The following LAYN variants were observed in gnomAD, a reference collection of about 807,000 sequenced individuals.
LAYN encodes the protein layilin.
LAYN carries 38 observed loss-of-function variants against 43.6 expected under a neutral mutation model. That is an observed-to-expected ratio of 0.87 (90% confidence interval 0.67 to 1.14). The LOEUF (loss-of-function observed/expected upper bound fraction) is 1.14, where lower values mean the gene tolerates loss of function less well. Ranked by LOEUF, LAYN falls within the 50% of genes most tolerant of loss-of-function variation. The pLI is 0.00. For missense variants in LAYN, 479 were observed against 463.8 expected (o/e 1.03, Z -0.30); for synonymous variants, 168 against 172.9 (o/e 0.97, Z 0.22).
chr11:111,551,955 G>A (rs1405727303), intron 3 of LAYN, among the ~76,000 whole-genome samples: 1 of 152,070 alleles, frequency 6.6e-6, no homozygotes, highest in Non-Finnish European at 1.5e-5. Context: ...TAGGAGTAAA[G>A]GGGCACCATG....
At position 111,552,432 on chromosome 11, in the gene LAYN, C is replaced by T. The variant is rs958485696; in HGVS notation, c.542-2129C>T. Among the ~76,000 whole-genome samples, 14 of 152,118 alleles carry T rather than the reference C, an allele frequency of 9.2e-5. No homozygotes were observed. The East Asian group carries it at 1.2e-3, about 13-fold the overall frequency. ...CACTCCTGTGGTTCCAGCAGGAGGG[C>T]GCATCATCCCATTATGTCAGAGTGG... On this transcript the variant is annotated intron_variant, in intron 3 of 6. Coordinates refer to ENST00000375614, the MANE Select transcript of LAYN (RefSeq NM_178834.5).
At chr11:111,540,710 C>A (rs538098014), upstream of LAYN, 24 of 839,216 alleles carry the variant, frequency 2.9e-5, no homozygotes, top group South Asian at 3.6e-4. Context: ...CGCCCTCCCC[C>A]CCGCCTCCCG....
rs1867953954 is a variant in LAYN, at chr11:111,561,338, C to CTCTA, written c.*880_*881insTCTA. 6.6e-6 allele frequency: 1 copy of CTCTA among 152,200 alleles called. No homozygotes were observed. Among genetic ancestry groups the CTCTA allele is most frequent in the Non-Finnish European group, 1.5e-5 (1 of 68,038 alleles). The allele number at this position is 152,200 out of a possible 1,614,324, so 9.4% of individuals were successfully genotyped here. Reference sequence around the variant, plus strand: ...TCACGCCACTGCTCTCCTGCGTGGGCAACAGAATGAGACCCTGTCTCTAAA... The same window carrying CTCTA: ...TCACGCCACTGCTCTCCTGCGTGGGCTCTAAACAGAATGAGACCCTGTCTCTAAA... On this transcript the variant is annotated 3_prime_UTR_variant, in exon 7 of 7. Coordinates refer to ENST00000375614, the MANE Select transcript of LAYN (RefSeq NM_178834.5).
At chr11:111,551,068 C>G (rs1336611579) in intron 3 of LAYN, among the ~76,000 whole-genome samples, 1 of 152,060 alleles carries the variant, frequency 6.6e-6, no homozygotes, top group Non-Finnish European at 1.5e-5. Flanking sequence ...AGGCCAAGAG[C>G]AAGAGATGGT....
chr11:111,549,797 T>C (rs765034138), intron 3 of LAYN, 22 bp downstream of exon 3: 12 of 1,587,742 alleles, frequency 7.6e-6, no homozygotes, highest in South Asian at 1.2e-5. Context: ...TCTCCCAAGC[T>C]ATGCGGCTGA....
intron 3 of LAYN, among the ~76,000 whole-genome samples, chr11:111,553,935 C>T (rs1192420472): frequency 6.6e-6 from 1 of 152,140 alleles, no homozygotes; most frequent in African/African-American, 2.4e-5. Flanking sequence ...GACACACTCC[C>T]AGTCAAAAGC....
At chr11:111,545,417 C>T (rs1347931832) in intron 2 of LAYN, among the ~76,000 whole-genome samples, 1 of 152,188 alleles carries the variant, frequency 6.6e-6, no homozygotes, top group Admixed American at 6.5e-5. Context: ...TTGCCCTTAT[C>T]ATGCTAGAGT....
At chr11:111,546,345 A>G (rs1376575557) in intron 2 of LAYN, among the ~76,000 whole-genome samples, 5 of 152,162 alleles carry the variant, frequency 3.3e-5, no homozygotes, top group Admixed American at 6.5e-5. Flanking sequence ...TAGTTCTTAT[A>G]TAATCTAATC....
Position 111,540,832 on chromosome 11 carries a change from C to G in LAYN, c.-12C>G. The G allele has an allele frequency of 6.6e-7, 1 of 1,521,816 alleles. No individual in the cohort carries two copies. Among genetic ancestry groups the G allele is most frequent in the Non-Finnish European group, 8.8e-7 (1 of 1,141,652 alleles). The allele number at this position is 1,521,816 out of a possible 1,614,324, so 94.3% of individuals were successfully genotyped here. On this transcript the variant is annotated 5_prime_UTR_variant, in exon 1 of 7. Coordinates refer to ENST00000375614, the MANE Select transcript of LAYN (RefSeq NM_178834.5). ...AGCGCCCGAGTGTCGGGGGGCGCACCCGAGTCGGGCCATGAGGCCGGGAAC... is the reference window on the plus strand; with the variant it reads ...AGCGCCCGAGTGTCGGGGGGCGCACGCGAGTCGGGCCATGAGGCCGGGAAC...
At position 111,543,980 on chromosome 11, in the gene LAYN, A is replaced by G. The variant is rs1867596044; in HGVS notation, c.143A>G (p.His48Arg). Reference sequence around the variant, plus strand: ...CCTTGTTATAAAGTCATTTACTTCCATGATACTTCTCGAAGACTGAACTTT... The same window carrying G: ...CCTTGTTATAAAGTCATTTACTTCCGTGATACTTCTCGAAGACTGAACTTT... ...QRPCYKVIYFHDTSRRLNFEE... is the reference protein window; with the variant it reads ...QRPCYKVIYFRDTSRRLNFEE... Residue 48 changes from histidine (H) to arginine (R), a missense_variant, in exon 2 of 7, where the codon CAT becomes CGT. Transcript: ENST00000375614. 1 of 1,614,220 alleles carries G rather than the reference A, an allele frequency of 6.2e-7. No individual in the cohort carries two copies. Among genetic ancestry groups the G allele is most frequent in the Non-Finnish European group, 8.5e-7 (1 of 1,180,050 alleles).
intron 2 of LAYN, among the ~76,000 whole-genome samples, chr11:111,545,114 A>C (rs996894239): frequency 6.6e-6 from 1 of 151,734 alleles, no homozygotes; most frequent in Non-Finnish European, 1.5e-5. Context: ...ATCAGCATCT[A>C]TCTTAGTCCA....
intron 6 of LAYN, among the ~76,000 whole-genome samples, chr11:111,559,120 A>G (rs528505271): frequency 6.6e-6 from 1 of 152,308 alleles, no homozygotes; most frequent in African/African-American, 2.4e-5. Context: ...AATAAAATAC[A>G]TTGGGTTGCA....
At chr11:111,558,249 A>G (rs1591571421) in intron 6 of LAYN, among the ~76,000 whole-genome samples, 1 of 152,072 alleles carries the variant, frequency 6.6e-6, no homozygotes, top group East Asian at 1.9e-4. Context: ...CTTCTCAGTT[A>G]CCTTTTTATT....
chr11:111,552,287 C>T (rs770744033), intron 3 of LAYN, among the ~76,000 whole-genome samples: 1 of 152,138 alleles, frequency 6.6e-6, no homozygotes, highest in African/African-American at 2.4e-5. Flanking sequence ...CTATAAGGAT[C>T]GTAGCACCTC....
chr11:111,546,494 T>C (rs998596893), intron 2 of LAYN, among the ~76,000 whole-genome samples: 3 of 152,246 alleles, frequency 2.0e-5, no homozygotes, highest in Admixed American at 1.3e-4. Flanking sequence ...TCCATTTCAC[T>C]GTGTACTCCC....
rs117792239 is a variant in LAYN, at chr11:111,546,579, G to A, written c.383+2359G>A. On this transcript the variant is annotated intron_variant, in intron 2 of 6. Coordinates refer to ENST00000375614, the MANE Select transcript of LAYN (RefSeq NM_178834.5). ...TAGTCACAAGGGATTCCTCCATGCA[G>A]TCACAGATGTGAGCTAAGGAAGAGG... 5.1e-3 allele frequency among the ~76,000 whole-genome samples: 771 copies of A among 152,338 alleles called. 3 individuals are homozygous for A. Among genetic ancestry groups the A allele is most frequent in the Non-Finnish European group, 8.0e-3 (545 of 68,036 alleles).
intron 2 of LAYN, among the ~76,000 whole-genome samples, chr11:111,545,074 A>ATATATATATTT (rs1170875315): frequency 6.7e-6 from 1 of 148,390 alleles, no homozygotes; most frequent in African/African-American, 2.5e-5. Context: ...ATATATATAT[A>ATATATATATTT]TTTTTTACCT....
chr11:111,540,356 C>G (rs1482691523), upstream of LAYN: 2 of 165,688 alleles, frequency 1.2e-5, no homozygotes, highest in Non-Finnish European at 2.6e-5. Context: ...CGCATCGCCT[C>G]TCTCTCCAGG....
intron 1 of LAYN, chr11:111,541,467 A>C: frequency 2.8e-5 from 34 of 1,234,320 alleles, no homozygotes; most frequent in Non-Finnish European, 3.4e-5. Flanking sequence ...GAGAGCGCTT[A>C]GAGATCGGGA....
Sources: allele counts gnomAD v4.1 joint callset (sites outside exome capture counted in the v4.1 genomes callset), GRCh38; gene constraint gnomAD v4.1.1; transcripts MANE v1.5; gene names NCBI Gene and HGNC (gene_info 2026-07-23, HGNC 2026-07-21).